The following DGKD variants were observed in gnomAD, a reference collection of about 807,000 sequenced individuals.
DGKD encodes DAG kinase delta.
Under a neutral mutation model 154.4 loss-of-function variants are expected in DGKD, and 68 were observed. That is an observed-to-expected ratio of 0.44 (90% confidence interval 0.36 to 0.54). The LOEUF (loss-of-function observed/expected upper bound fraction) is 0.54. Ranked by LOEUF, DGKD falls within the 20% of genes least tolerant of loss-of-function variation. DGKD has a pLI of 0.00. For missense variants in DGKD, 1,343 were observed against 1,593.6 expected, an observed-to-expected ratio of 0.84 and a Z score of 2.68; for synonymous variants, 693 against 638.0, an observed-to-expected ratio of 1.09 and a Z score of -1.30.
chr2:233,370,567 C>CTTTTTTTTT (rs201017453), intron 1 of DGKD, among the ~76,000 whole-genome samples: 1 of 114,332 alleles, frequency 8.7e-6, no homozygotes, highest in African/African-American at 3.6e-5. Flanking sequence ...TTCAGAACTT[C>CTTTTTTTTT]TTCTTTTTTT....
At chr2:233,404,184 A>G (rs1056844947) in intron 3 of DGKD, among the ~76,000 whole-genome samples, 5 of 152,138 alleles carry the variant, frequency 3.3e-5, no homozygotes, top group Middle Eastern at 3.4e-3. Flanking sequence ...AAGATTCCCC[A>G]TATCATGAGT....
rs1333911633 is a variant in DGKD, at chr2:233,385,373, G to T, written c.157-2884G>T. The stretch of plus-strand genomic sequence containing the variant: ...CAGCACTGGGATTGGTGTCTTGCCT[G>T]TGTTTGCTGGTGGGCGCGTGTTCAC... On this transcript the variant is annotated intron_variant, in intron 1 of 29. Coordinates refer to ENST00000264057, the MANE Select transcript of DGKD (RefSeq NM_152879.3). 2.0e-5 allele frequency among the ~76,000 whole-genome samples: 3 copies of T among 152,162 alleles called. No homozygotes were observed. The East Asian group carries it at 5.8e-4, about 29-fold the overall frequency.
Position 233,429,714 on chromosome 2 carries a change from C to G in DGKD, c.349-4666C>G, listed in dbSNP as rs573560654. On this transcript the variant is annotated intron_variant, in intron 3 of 29. Transcript: ENST00000264057. The stretch of plus-strand genomic sequence containing the variant: ...GGAGAGGGGCTGTTTGTGGTGCTCT[C>G]AAGCTTGAACAGCAGCAGGGCAGAA... Among the ~76,000 whole-genome samples the G allele has an allele frequency of 8.5e-5, 13 of 152,376 alleles. No individual in the cohort carries two copies. The East Asian group carries it at 2.3e-3, about 27-fold the overall frequency.
intron 1 of DGKD, among the ~76,000 whole-genome samples, chr2:233,372,696 A>G (rs1337217447): frequency 6.6e-6 from 1 of 151,682 alleles, no homozygotes; most frequent in African/African-American, 2.4e-5. Flanking sequence ...TTTATATCTA[A>G]CTAGTGTTTT....
At chr2:233,407,161 C>T (rs775174340) in intron 3 of DGKD, among the ~76,000 whole-genome samples, 8 of 152,168 alleles carry the variant, frequency 5.3e-5, no homozygotes, top group Non-Finnish European at 1.0e-4. Context: ...TTTCTAATCT[C>T]CACCACCAGT....
intron 3 of DGKD, among the ~76,000 whole-genome samples, chr2:233,411,483 A>C (rs1039366495): frequency 6.6e-6 from 1 of 152,094 alleles, no homozygotes; most frequent in African/African-American, 2.4e-5. Context: ...GGTCATTTGT[A>C]TGTCTTTTGT....
At position 233,354,501 on chromosome 2, in the gene DGKD, G is replaced by A. The variant is rs1222990723; in HGVS notation, c.-18G>A. 8.2e-6 allele frequency: 8 copies of A among 975,960 alleles called. No homozygotes were observed. In the East Asian group the frequency reaches 8.2e-4, roughly 100 times the overall value. 60.5% of individuals were successfully genotyped at this position (975,960 alleles called of 1,614,324 possible). On this transcript the variant is annotated 5_prime_UTR_variant, in exon 1 of 30. Coordinates refer to ENST00000264057, the MANE Select transcript of DGKD (RefSeq NM_152879.3). This position sits in a 1 kb window ranked among gnomAD's most constrained non-coding sequence, Gnocchi z 4.8. ...CCCGCCCCGCCCCCGCCCGCGGTGC[G>A]CGCGCTGGCCCGGCAGCATGGCGGC...
chr2:233,447,676 T>TG (rs2063129294), intron 12 of DGKD: 1 of 1,023,156 alleles, frequency 9.8e-7, no homozygotes. Flanking sequence ...GAACAGATGG[T>TG]GGGGGCAGGA....
At chr2:233,468,627 C>A in intron 29 of DGKD, 74 bp downstream of exon 29, 2 of 1,590,512 alleles carry the variant, frequency 1.3e-6, no homozygotes, top group Admixed American at 1.7e-5. Flanking sequence ...ATCCTCTCCC[C>A]CGACCTGGCC....
At chr2:233,388,169 T>C (rs1235234496) in intron 1 of DGKD, 88 bp from the exon 2 acceptor site, 29 of 1,565,510 alleles carry the variant, frequency 1.9e-5, no homozygotes, top group Non-Finnish European at 2.6e-6. Flanking sequence ...CACGAATATG[T>C]TTCAGCCGCA....
In DGKD at chr2:233,388,542, A is replaced by G. The variant is rs190113645; in HGVS notation, c.267+175A>G. The G allele has an allele frequency of 1.2e-3, 616 of 525,818 alleles. 4 individuals are homozygous for G. Among genetic ancestry groups the G allele is most frequent in the African/African-American group, 0.011 (558 of 51,616 alleles). 32.6% of individuals were successfully genotyped at this position (525,818 alleles called of 1,614,324 possible). A position where few individuals can be genotyped will look rare whatever the true frequency, so the allele number is the denominator to read the frequency against. On this transcript the variant is annotated intron_variant, in intron 2 of 29. Transcript: ENST00000264057. Reference sequence around the variant, plus strand: ...TTTTACTTGTCTCAAGGCATGTTTTATTTCTTATCAAAATTAATTTCTGTT... The same window carrying G: ...TTTTACTTGTCTCAAGGCATGTTTTGTTTCTTATCAAAATTAATTTCTGTT...
intron 1 of DGKD, among the ~76,000 whole-genome samples, chr2:233,358,487 G>T (rs147757506): frequency 2.1e-3 from 314 of 152,314 alleles, no homozygotes; most frequent in South Asian, 4.1e-3. Flanking sequence ...ATGGGATACA[G>T]TTCAGTGGTT....
intron 1 of DGKD, among the ~76,000 whole-genome samples, chr2:233,386,990 G>A (rs1010735770): frequency 1.3e-5 from 2 of 152,190 alleles, no homozygotes; most frequent in Non-Finnish European, 2.9e-5. Context: ...CCTGGTGTCC[G>A]TCCACATGTT....
chr2:233,419,165 C>T (rs770893084), intron 3 of DGKD: 85 of 955,552 alleles, frequency 8.9e-5, no homozygotes, highest in Non-Finnish European at 1.0e-4. Context: ...CCTTTCCAAG[C>T]GCTGCAGCCC....
chr2:233,463,634 C>G lies in DGKD; in HGVS notation c.3187-530C>G, dbSNP rs199961297. Among the ~76,000 whole-genome samples, 77 of 148,796 alleles carry G rather than the reference C, an allele frequency of 5.2e-4. No individual in the cohort carries two copies. In the East Asian group the frequency reaches 0.011, roughly 22 times the overall value. On this transcript the variant is annotated intron_variant, in intron 26 of 29. Coordinates refer to ENST00000264057, the MANE Select transcript of DGKD (RefSeq NM_152879.3). ...CCACGCATCTCCTCACTCCACGCATCTCCTCACTCCACGCATGTCCTCACT... is the reference window on the plus strand; with the variant it reads ...CCACGCATCTCCTCACTCCACGCATGTCCTCACTCCACGCATGTCCTCACT...
Position 233,448,977 on chromosome 2 carries a change from G to T in DGKD, c.1615-126G>T, listed in dbSNP as rs980740720. 13 of 1,224,738 alleles carry T rather than the reference G, an allele frequency of 1.1e-5. No individual in the cohort carries two copies. The Admixed American group carries it at 1.2e-4, about 11-fold the overall frequency. 75.9% of individuals were successfully genotyped at this position (1,224,738 alleles called of 1,614,324 possible). A position where few individuals can be genotyped will look rare whatever the true frequency, so the allele number is the denominator to read the frequency against. ...CCTCTGGTCTTTTTGTTACTTAGGCGTGGAGAGTTAGGATTTTCCTTTTGA... is the reference window on the plus strand; with the variant it reads ...CCTCTGGTCTTTTTGTTACTTAGGCTTGGAGAGTTAGGATTTTCCTTTTGA... On this transcript the variant is annotated intron_variant, in intron 14 of 29. Transcript: ENST00000264057.
Position 233,429,277 on chromosome 2 carries a change from A to G in DGKD, c.349-5103A>G, listed in dbSNP as rs543428166. On this transcript the variant is annotated intron_variant, in intron 3 of 29. Coordinates refer to ENST00000264057, the MANE Select transcript of DGKD (RefSeq NM_152879.3). The stretch of plus-strand genomic sequence containing the variant: ...AATATCCTGTTGCATGACTCCTAAT[A>G]TAATCCCCGAGTTATGCACAGTAAG... 7 of 985,344 alleles carry G rather than the reference A, an allele frequency of 7.1e-6. No homozygotes were observed. In the African/African-American group the frequency reaches 1.2e-4, roughly 17 times the overall value. 61.0% of individuals were successfully genotyped at this position (985,344 alleles called of 1,614,324 possible). A position where few individuals can be genotyped will look rare whatever the true frequency, so the allele number is the denominator to read the frequency against.
intron 1 of DGKD, chr2:233,386,253 A>AAG: frequency 3.2e-6 from 1 of 316,162 alleles, no homozygotes; most frequent in East Asian, 8.3e-5. Flanking sequence ...AGACGTCTTC[A>AAG]CAGTGAGGCC....
chr2:233,370,570 C>CTTTTTTTTTT (rs56301429), intron 1 of DGKD, among the ~76,000 whole-genome samples: 4 of 123,344 alleles, frequency 3.2e-5, no homozygotes, highest in African/African-American at 3.0e-5. Flanking sequence ...AGAACTTCTT[C>CTTTTTTTTTT]TTTTTTTTTT....
Sources: gnomAD v4.1 joint callset for allele counts (sites outside exome capture counted in the v4.1 genomes callset) on GRCh38, gnomAD v4.1.1 for gene constraint, Gnocchi (gnomAD v3.1) non-coding constraint, MANE v1.5 for transcripts, NCBI Gene and HGNC (gene_info 2026-07-23, HGNC 2026-07-21) for gene names.